The following SLCO1C1 variants were observed in gnomAD, a reference collection of about 807,000 sequenced individuals.
SLCO1C1 encodes the protein OAT-RP-5.
In SLCO1C1, 70 loss-of-function variants were observed where a neutral mutation model predicts 76.4. The ratio of observed to expected loss-of-function variants is 0.92; its 90% CI spans 0.76 to 1.12. SLCO1C1 has a LOEUF of 1.12. Ranked by LOEUF, SLCO1C1 falls within the 50% of genes most tolerant of loss-of-function variation. The probability of loss-of-function intolerance (pLI) is 0.00; values close to 1 mark genes in which losing one functional copy is unlikely to be tolerated. For missense variants in SLCO1C1, 912 were observed against 823.8 expected, an observed-to-expected ratio of 1.11 and a Z score of -1.31; for synonymous variants, 306 against 286.1, an observed-to-expected ratio of 1.07 and a Z score of -0.70.
In SLCO1C1 at chr12:20,740,299, T is replaced by G; in HGVS notation, c.1664T>G (p.Leu555Arg). ...TGTCCCCAAATGTTTCTGTATTTCC[T>G]TGTAATTTCAGTCATCACATCCTAT... ...NGCPQMFLYF[L>R]VISVITSYTL... Residue 555 changes from leucine (L) to arginine (R), a missense_variant, in exon 12 of 15, where the codon CTT becomes CGT. Coordinates refer to ENST00000266509, the MANE Select transcript of SLCO1C1 (RefSeq NM_017435.5). 1 of 1,613,984 alleles carries G rather than the reference T, an allele frequency of 6.2e-7. No individual in the cohort carries two copies. The highest frequency in any genetic ancestry group is 1.1e-5 in the South Asian group (1 of 91,060).
chr12:20,725,394 A>T (rs1031492851), intron 9 of SLCO1C1, among the ~76,000 whole-genome samples: 1 of 137,924 alleles, frequency 7.3e-6, no homozygotes, highest in South Asian at 2.3e-4. Flanking sequence ...ATAATATATG[A>T]TATATGGTAA....
chr12:20,717,642 G>T (rs975836171), intron 7 of SLCO1C1, among the ~76,000 whole-genome samples: 1 of 93,532 alleles, frequency 1.1e-5, no homozygotes, highest in Non-Finnish European at 2.0e-5. Context: ...CAACCAAACA[G>T]CCCTTCTTTT....
In SLCO1C1 at chr12:20,711,535, T is replaced by C. The variant is rs7978434; in HGVS notation, c.529+25T>C. On this transcript the variant is annotated intron_variant, in intron 5 of 14. Transcript: ENST00000266509. ...GGTAAGATCATTTTTTTGACTTGACTAAACAAGCTTTTAAAAAAAAGACTT... is the reference window on the plus strand; with the variant it reads ...GGTAAGATCATTTTTTTGACTTGACCAAACAAGCTTTTAAAAAAAAGACTT... 3,673 of 1,606,454 alleles carry C rather than the reference T, an allele frequency of 2.3e-3. 88 individuals are homozygous for C. In the African/African-American group the frequency reaches 0.045, roughly 19 times the overall value.
chr12:20,720,093 G>A (rs1258502216), intron 7 of SLCO1C1, among the ~76,000 whole-genome samples: 2 of 152,164 alleles, frequency 1.3e-5, no homozygotes, highest in Admixed American at 6.5e-5. Flanking sequence ...CTCTTCCTGT[G>A]CTCTCTAACT....
In SLCO1C1 at chr12:20,737,190, C is replaced by T. The variant is rs903425198; in HGVS notation, c.1466C>T (p.Pro489Leu). 6.4e-7 allele frequency: 1 copy of T among 1,569,240 alleles called. No individual in the cohort carries two copies. Among genetic ancestry groups the T allele is most frequent in the African/African-American group, 1.4e-5 (1 of 71,626 alleles). ...RCKCSETKWE[P>L]MCGENGITYV... Reference sequence around the variant, plus strand: ...AAATGTTCAGAGACAAAATGGGAACCCATGTGCGGTGAAAATGGAATCACA... The same window carrying T: ...AAATGTTCAGAGACAAAATGGGAACTCATGTGCGGTGAAAATGGAATCACA... The change falls in exon 11 of 15, where the codon CCC becomes CTC. Residue 489 changes from proline to leucine, a missense_variant. Transcript: ENST00000266509.
At chr12:20,736,040 A>C (rs543574376) in intron 10 of SLCO1C1, among the ~76,000 whole-genome samples, 286 of 152,326 alleles carry the variant, frequency 1.9e-3, no homozygotes, top group African/African-American at 6.7e-3. Context: ...TTTGAAAATA[A>C]GGAGCAGAAA....
intron 1 of SLCO1C1, 126 bp from the exon 2 acceptor site, chr12:20,699,426 C>T: frequency 1.3e-6 from 1 of 761,436 alleles, no homozygotes; most frequent in Non-Finnish European, 1.9e-6. Flanking sequence ...TGCCAACTTA[C>T]TGTGACAACA....
chr12:20,719,779 A>G (rs558510863), intron 7 of SLCO1C1, among the ~76,000 whole-genome samples: 154 of 152,368 alleles, frequency 1.0e-3, no homozygotes, highest in South Asian at 2.5e-3. Context: ...AGCTGTCTCC[A>G]TAACACAAAA....
At chr12:20,728,255 AT>A (rs35645001) in intron 9 of SLCO1C1, among the ~76,000 whole-genome samples, 26,106 of 152,100 alleles carry the variant, frequency 0.17, 2,934 homozygotes, top group Non-Finnish European at 0.25. Flanking sequence ...CCACAGTACC[AT>A]TTATTGAATA....
At chr12:20,731,477 TG>T (rs1163410870) in intron 9 of SLCO1C1, among the ~76,000 whole-genome samples, 2 of 152,236 alleles carry the variant, frequency 1.3e-5, no homozygotes. Context: ...CAATTTCACA[TG>T]GGGTTGTAAG....
intron 13 of SLCO1C1, among the ~76,000 whole-genome samples, chr12:20,746,649 TAAA>T (rs1180302719): frequency 6.6e-6 from 1 of 151,998 alleles, no homozygotes; most frequent in Non-Finnish European, 1.5e-5. Context: ...TGGGACAGAA[TAAA>T]AAAATACACA....
intron 9 of SLCO1C1, among the ~76,000 whole-genome samples, chr12:20,731,846 G>A (rs1948282089): frequency 6.7e-6 from 1 of 149,874 alleles, no homozygotes; most frequent in African/African-American, 2.5e-5. Flanking sequence ...AAATCGAATG[G>A]ATAGAAATTA....
intron 3 of SLCO1C1, 51 bp from the exon 4 acceptor site, chr12:20,705,898 G>A (rs1946748416): frequency 6.3e-7 from 1 of 1,580,398 alleles, no homozygotes. Flanking sequence ...TTATGCTGTT[G>A]ACTTCTTTCT....
chr12:20,717,317 T>A, intron 7 of SLCO1C1, 87 bp downstream of exon 7: 4 of 1,068,292 alleles, frequency 3.7e-6, no homozygotes, highest in Non-Finnish European at 5.3e-6. Flanking sequence ...TCAAATTGCC[T>A]TTTTATAAAA....
At chr12:20,747,964 T>A (rs2120926452) in intron 13 of SLCO1C1, among the ~76,000 whole-genome samples, 1 of 152,310 alleles carries the variant, frequency 6.6e-6, no homozygotes, top group Admixed American at 6.5e-5. Flanking sequence ...TTGAAGTAAG[T>A]CTCAGACTAC....
At chr12:20,701,754 A>G (rs531541644) in intron 3 of SLCO1C1, among the ~76,000 whole-genome samples, 2 of 151,946 alleles carry the variant, frequency 1.3e-5, no homozygotes, top group Admixed American at 1.3e-4. Flanking sequence ...GCTAATTGGT[A>G]TTTTGAGTTA....
intron 10 of SLCO1C1, 76 bp downstream of exon 10, chr12:20,733,180 G>T: frequency 1.5e-6 from 2 of 1,356,406 alleles, no homozygotes; most frequent in South Asian, 1.6e-5. Context: ...TTGCAAAAAA[G>T]GAATTTGATT....
At chr12:20,713,287 G>C (rs1947217468) in intron 5 of SLCO1C1, among the ~76,000 whole-genome samples, 1 of 151,908 alleles carries the variant, frequency 6.6e-6, no homozygotes, top group East Asian at 1.9e-4. Context: ...CACCTTGTTA[G>C]CCAGGATGGT....
At chr12:20,701,265 C>T (rs1277017032) in intron 2 of SLCO1C1, 53 bp from the exon 3 acceptor site, 4 of 1,396,408 alleles carry the variant, frequency 2.9e-6, no homozygotes, top group Admixed American at 2.4e-5. Context: ...ACTTAGTTTC[C>T]AATTGTGTGT....
Sources: allele counts gnomAD v4.1 joint callset (sites outside exome capture counted in the v4.1 genomes callset), GRCh38; gene constraint gnomAD v4.1.1; transcripts MANE v1.5; gene names NCBI Gene and HGNC (gene_info 2026-07-23, HGNC 2026-07-21).